Variants in PNKD observed in about 807,000 individuals in gnomAD.
The protein encoded by PNKD is PNKD metallo-beta-lactamase domain containing.
A neutral mutation model predicts 45.3 loss-of-function variants in PNKD; 36 were observed. That is an observed-to-expected ratio of 0.80 (90% CI 0.61 to 1.05). The LOEUF (loss-of-function observed/expected upper bound fraction) is 1.05. Among genes scored for constraint, PNKD ranks in the 50% least tolerant of loss-of-function variants. The probability of loss-of-function intolerance (pLI) is 0.00; values close to 1 mark genes in which losing one functional copy is unlikely to be tolerated. For missense variants in PNKD, 511 were observed against 506.6 expected (o/e 1.01, Z -0.08); for synonymous variants, 197 against 210.1 (o/e 0.94, Z 0.54).
chr2:218,273,735 C>T (rs1372341046), intron 2 of PNKD, among the ~76,000 whole-genome samples: 1 of 151,446 alleles, frequency 6.6e-6, no homozygotes, highest in East Asian at 1.9e-4. Flanking sequence ...CAGGTGATTC[C>T]CCCCCACCGC....
intron 2 of PNKD, among the ~76,000 whole-genome samples, chr2:218,296,633 T>C (rs2106248812): frequency 6.6e-6 from 1 of 152,330 alleles, no homozygotes; most frequent in East Asian, 1.9e-4. Flanking sequence ...CATTGATCAC[T>C]AACTTTCTGA....
At chr2:218,314,434 GCTGGT>G (rs1237696673) in intron 2 of PNKD, among the ~76,000 whole-genome samples, 1 of 151,882 alleles carries the variant, frequency 6.6e-6, no homozygotes, top group Non-Finnish European at 1.5e-5. Flanking sequence ...TGTTGCCCAG[GCTGGT>G]CTGGAACTCC....
chr2:218,288,491 T>G (rs532513247), intron 2 of PNKD, among the ~76,000 whole-genome samples: 25 of 152,278 alleles, frequency 1.6e-4, no homozygotes, highest in African/African-American at 5.5e-4. Flanking sequence ...TTGAACCACT[T>G]CCAGTACTTA....
intron 2 of PNKD, among the ~76,000 whole-genome samples, chr2:218,305,910 A>G (rs1399824329): frequency 6.6e-6 from 1 of 152,152 alleles, no homozygotes; most frequent in Non-Finnish European, 1.5e-5. Flanking sequence ...CTCCTTGAGA[A>G]CTGAACTCAT....
chr2:218,288,322 G>A (rs1013603965), intron 2 of PNKD, among the ~76,000 whole-genome samples: 3 of 152,168 alleles, frequency 2.0e-5, no homozygotes, highest in Non-Finnish European at 2.9e-5. Context: ...CCAGCTACTC[G>A]GGAGGCTGAG....
chr2:218,334,171 T>C (rs191083905), intron 2 of PNKD, among the ~76,000 whole-genome samples: 77 of 152,068 alleles, frequency 5.1e-4, no homozygotes, highest in African/African-American at 1.8e-3. Flanking sequence ...CTTGTCAAAA[T>C]AGTATATAGC....
chr2:218,331,512 C>T (rs1333642844), intron 2 of PNKD, among the ~76,000 whole-genome samples: 2 of 151,490 alleles, frequency 1.3e-5, no homozygotes, highest in Non-Finnish European at 2.9e-5. Context: ...GCTCTGTCAC[C>T]CAGGCTGGAG....
intron 2 of PNKD, chr2:218,272,928 G>A (rs1328672224): frequency 6.7e-7 from 1 of 1,500,072 alleles, no homozygotes; most frequent in African/African-American, 1.4e-5. Flanking sequence ...TAAAGTTATT[G>A]AGTGTTTAGT....
At chr2:218,272,827 C>A in intron 2 of PNKD, 1 of 1,611,970 alleles carries the variant, frequency 6.2e-7, no homozygotes, top group South Asian at 1.1e-5. Context: ...GATTCCAGTT[C>A]GTGCCTCTGA....
intron 2 of PNKD, chr2:218,277,202 G>T: frequency 8.4e-7 from 1 of 1,185,536 alleles, no homozygotes; most frequent in Non-Finnish European, 1.3e-6. Context: ...TAGGGGGTAT[G>T]GGAATGTCCA....
rs186820594 is a variant in PNKD at position 218,284,500 on chromosome 2, C to T, written c.236+12951C>T. Among the ~76,000 whole-genome samples the T allele has an allele frequency of 5.8e-3, 889 of 152,344 alleles. 10 individuals are homozygous for T. The highest frequency in any genetic ancestry group is 0.027 in the Admixed American group (409 of 15,300). ...AGAAGGGTCAGCCTCGGATGGGCCACGGGGACTCCAAGGTTCTGGTGCAGC... is the reference window on the plus strand; with the variant it reads ...AGAAGGGTCAGCCTCGGATGGGCCATGGGGACTCCAAGGTTCTGGTGCAGC... On this transcript the variant is annotated intron_variant, in intron 2 of 9. Transcript: ENST00000273077.
intron 6 of PNKD, 78 bp downstream of exon 6, chr2:218,341,704 A>G: frequency 8.9e-7 from 1 of 1,125,482 alleles, no homozygotes; most frequent in Non-Finnish European, 1.3e-6. Flanking sequence ...GAAGTGTTTC[A>G]GGGGTATCAG....
At chr2:218,276,904 AGCCTGCCCCGGGGACCTTTGGG>A (rs1035733363) in intron 2 of PNKD, 53 of 957,172 alleles carry the variant, frequency 5.5e-5, no homozygotes, top group Non-Finnish European at 7.9e-5. Context: ...TGGAGGTCAG[AGCCTGCCCCGGGGACCTTTGGG>A]GCCTGCGAGA....
chr2:218,319,137 TAG>T (rs2106270394), intron 2 of PNKD, among the ~76,000 whole-genome samples: 1 of 151,556 alleles, frequency 6.6e-6, no homozygotes, highest in South Asian at 2.1e-4. Context: ...GTATTTTTAG[TAG>T]AGACGGGGTT....
At chr2:218,331,477 AT>A (rs1380432164) in intron 2 of PNKD, among the ~76,000 whole-genome samples, 2 of 150,656 alleles carry the variant, frequency 1.3e-5, no homozygotes, top group Admixed American at 6.6e-5. Context: ...TTATTTATTT[AT>A]TTTTTTATTT....
chr2:218,273,742 C>T (rs1020659234), intron 2 of PNKD, among the ~76,000 whole-genome samples: 1 of 151,700 alleles, frequency 6.6e-6, no homozygotes, highest in Non-Finnish European at 1.5e-5. Flanking sequence ...TTCCCCCCCA[C>T]CGCCCTCGGC....
intron 2 of PNKD, among the ~76,000 whole-genome samples, chr2:218,320,322 A>C (rs747785634): frequency 2.6e-5 from 4 of 152,258 alleles, no homozygotes; most frequent in Non-Finnish European, 4.4e-5. Context: ...CGTAATGATC[A>C]AATCAAGGTA....
chr2:218,274,648 G>A (rs1454081151), intron 2 of PNKD: 1 of 155,484 alleles, frequency 6.4e-6, no homozygotes, highest in South Asian at 2.0e-4. Context: ...CTTACTTTCT[G>A]CTCTGAGCTG....
intron 2 of PNKD, chr2:218,276,952 A>T (rs987256363): frequency 6.7e-7 from 1 of 1,488,216 alleles, no homozygotes; most frequent in African/African-American, 1.4e-5. Context: ...CTATATAGGA[A>T]GTCTGCCCTG....
Sources: gnomAD v4.1 joint callset for allele counts (sites outside exome capture counted in the v4.1 genomes callset) on GRCh38, gnomAD v4.1.1 for gene constraint, MANE v1.5 for transcripts, NCBI Gene and HGNC (gene_info 2026-07-23, HGNC 2026-07-21) for gene names.